Variants in POP1 observed in about 807,000 individuals in gnomAD.
The protein encoded by POP1 is POP1 ribonuclease P/MRP subunit.
POP1 carries 75 observed loss-of-function variants against 102.2 expected under a neutral mutation model. The ratio of observed to expected loss-of-function variants is 0.73; its 90% CI spans 0.61 to 0.89. POP1 has a LOEUF of 0.89. POP1 is among the 40% of genes least tolerant of loss of function. The pLI is 0.00. For missense variants in POP1, 1,116 were observed against 1,267.4 expected (o/e 0.88, Z 1.81); for synonymous variants, 436 against 464.1 (o/e 0.94, Z 0.78).
chr8:98,121,260 T>C (rs1167157466), intron 1 of POP1, among the ~76,000 whole-genome samples: 2 of 152,154 alleles, frequency 1.3e-5, no homozygotes, highest in African/African-American at 4.8e-5. Flanking sequence ...CAAGTCTTAA[T>C]TTTGTGTGAG....
At chr8:98,139,984 A>T in intron 9 of POP1, 94 bp from the exon 10 acceptor site, 1 of 944,084 alleles carries the variant, frequency 1.1e-6, no homozygotes, top group Non-Finnish European at 1.7e-6. Context: ...CCACACATAG[A>T]AGAAGAAAGA....
At chr8:98,152,286 T>TG (rs1809532876) in intron 14 of POP1, among the ~76,000 whole-genome samples, 1 of 152,260 alleles carries the variant, frequency 6.6e-6, no homozygotes, top group Non-Finnish European at 1.5e-5. Context: ...TTTTAAAGAA[T>TG]GGTATTACAT....
chr8:98,156,445 A>G (rs768914318), intron 15 of POP1, 33 bp downstream of exon 15: 2 of 1,612,102 alleles, frequency 1.2e-6, no homozygotes, highest in Non-Finnish European at 1.7e-6. Flanking sequence ...TACATTTTGG[A>G]TTATTTATTT....
chr8:98,135,146 C>T (rs866201455), intron 7 of POP1, among the ~76,000 whole-genome samples: 6 of 152,096 alleles, frequency 3.9e-5, no homozygotes, highest in African/African-American at 1.4e-4. Context: ...GGATTGGTGG[C>T]ATGCACCTGT....
intron 1 of POP1, among the ~76,000 whole-genome samples, chr8:98,119,259 C>A (rs1175540917): frequency 6.6e-6 from 1 of 152,178 alleles, no homozygotes; most frequent in Non-Finnish European, 1.5e-5. Context: ...AATGATTCAA[C>A]TTGTGTAAAA....
intron 5 of POP1, among the ~76,000 whole-genome samples, 162 bp downstream of exon 5, chr8:98,130,388 C>G (rs1816348595): frequency 1.3e-5 from 2 of 152,144 alleles, no homozygotes; most frequent in Admixed American, 1.3e-4. Context: ...TGCTGGAGAT[C>G]AGGCAGCCTA....
Position 98,140,080 on chromosome 8 carries a change from G to A in POP1, c.1365G>A (p.Val455=), listed in dbSNP as rs1190409481. 9 of 1,612,100 alleles carry A rather than the reference G, an allele frequency of 5.6e-6. No homozygotes were observed. The highest frequency in any genetic ancestry group is 1.1e-5 in the South Asian group (1 of 91,000). Residue 455 remains valine, a splice_region_variant and synonymous_variant, in exon 10 of 16, where the codon GTG becomes GTA. Transcript: ENST00000401707. ...EAIKAASVHT[V]GEDTEETPHR... is the part of the protein sequence containing the mutation. ...GAATAGTAGTTGTTATTTTTCAGGT[G>A]GGAGAGGACACAGAGGAGACACCTC...
chr8:98,141,790 ACTCCTGAC>A (rs1221858075), intron 11 of POP1, among the ~76,000 whole-genome samples: 1 of 147,274 alleles, frequency 6.8e-6, no homozygotes, highest in African/African-American at 2.5e-5. Flanking sequence ...CTGATCTCAA[ACTCCTGAC>A]CTCAGGTGAT....
intron 15 of POP1, among the ~76,000 whole-genome samples, chr8:98,156,784 T>G (rs1809660282): frequency 6.6e-6 from 1 of 152,186 alleles, no homozygotes; most frequent in Admixed American, 6.5e-5. Flanking sequence ...AGCAACCCAT[T>G]AGATGTAATA....
chr8:98,140,100 C>T lies in POP1; in HGVS notation c.1385C>T (p.Thr462Ile), dbSNP rs775271929. 6.2e-7 allele frequency: 1 copy of T among 1,613,940 alleles called. No homozygotes were observed. Among genetic ancestry groups the T allele is most frequent in the Non-Finnish European group, 8.5e-7 (1 of 1,179,886 alleles). The part of the protein sequence containing the change: ...VHTVGEDTEE[T>I]PHRWWIETCK... Reference sequence around the variant, plus strand: ...CAGGTGGGAGAGGACACAGAGGAGACACCTCACCGCTGGTGGATAGAAACC... The same window carrying T: ...CAGGTGGGAGAGGACACAGAGGAGATACCTCACCGCTGGTGGATAGAAACC... Residue 462 changes from threonine (T) to isoleucine (I), a missense_variant, in exon 10 of 16, where the codon ACA (threonine) becomes ATA (isoleucine). Physicochemically the swap from Thr to Ile is moderately conservative, Grantham distance 89 (BLOSUM62 -1). Transcript: ENST00000401707.
At chr8:98,150,783 G>T (rs1338196839) in intron 14 of POP1, 144 bp downstream of exon 14, 3 of 844,102 alleles carry the variant, frequency 3.6e-6, no homozygotes, top group East Asian at 2.7e-5. Flanking sequence ...TAATTAAGAA[G>T]ATATTACTTA....
chr8:98,122,401 G>C (rs574409862), intron 1 of POP1, among the ~76,000 whole-genome samples: 85 of 152,274 alleles, frequency 5.6e-4, no homozygotes, highest in Non-Finnish European at 9.4e-4. Context: ...GAACTGCTTT[G>C]AGAACAGCTT....
Position 98,158,417 on chromosome 8 carries a change from G to GT in POP1, c.*146_*147insT. 10 of 846,972 alleles carry GT rather than the reference G, an allele frequency of 1.2e-5. No homozygotes were observed. The highest frequency in any genetic ancestry group is 1.5e-5 in the Non-Finnish European group (8 of 526,080). The allele number at this position is 846,972 out of a possible 1,614,324, so 52.5% of individuals were successfully genotyped here. On this transcript the variant is annotated 3_prime_UTR_variant, in exon 16 of 16. Transcript: ENST00000401707. ...AAAAATTATGTATTATGCAGATGAT[G>GT]AAATGTTTACATCATTCCAGTAATG... is the stretch of plus-strand genomic sequence containing the variant.
intron 1 of POP1, among the ~76,000 whole-genome samples, chr8:98,118,583 G>A (rs565703087): frequency 1.3e-5 from 2 of 151,954 alleles, no homozygotes; most frequent in African/African-American, 4.8e-5. Context: ...ACACCAGCAC[G>A]CCCGGCTAAT....
Position 98,150,536 on chromosome 8 carries a change from C to T in POP1, c.1954C>T (p.Gln652Ter). Residue 652 changes from glutamine (Q) to a stop codon, truncating the protein, a stop_gained, in exon 14 of 16, where the codon CAG becomes TAG. Coordinates refer to ENST00000401707, the MANE Select transcript of POP1 (RefSeq NM_001145860.2). LOFTEE classifies it high-confidence loss of function. ...GTTGAAAGAGTCTGCAGTGCATTCT[C>T]AGTATAAGAGGTCGCCTAATGTCCC... Reference protein sequence around the residue: ...GGLKESAVHSQYKRSPNVPGD... With the variant: ...GGLKESAVHS 1 of 1,614,058 alleles carries T rather than the reference C, an allele frequency of 6.2e-7. No individual in the cohort carries two copies. The highest frequency in any genetic ancestry group is 1.1e-5 in the South Asian group (1 of 91,072).
intron 13 of POP1, 45 bp from the exon 14 acceptor site, chr8:98,150,439 AC>A: frequency 6.2e-7 from 1 of 1,608,112 alleles, no homozygotes; most frequent in Non-Finnish European, 8.5e-7. Context: ...TAAGCAATTC[AC>A]TTTAAGTTGG....
chr8:98,140,962 T>C, intron 11 of POP1, 74 bp downstream of exon 11: 1 of 1,540,014 alleles, frequency 6.5e-7, no homozygotes. Flanking sequence ...AAGAGTTCTT[T>C]CTCTGACACC....
chr8:98,118,232 C>T (rs575232599), intron 1 of POP1, among the ~76,000 whole-genome samples: 2 of 152,268 alleles, frequency 1.3e-5, no homozygotes, highest in South Asian at 2.1e-4. Context: ...CCTCCCCTTG[C>T]CTATTCAAGT....
chr8:98,128,638 G>T lies in POP1; in HGVS notation c.486+98G>T. The T allele has an allele frequency of 2.9e-6, 4 of 1,378,208 alleles. No homozygotes were observed. The South Asian group carries it at 3.7e-5, about 13-fold the overall frequency. The allele number at this position is 1,378,208 out of a possible 1,614,324, so 85.4% of individuals were successfully genotyped here. ...GAATTTATTAAAAATGAAAACCAAGGCTGGGCATGGTGGCTCACGCCTGTA... is the reference window on the plus strand; with the variant it reads ...GAATTTATTAAAAATGAAAACCAAGTCTGGGCATGGTGGCTCACGCCTGTA... On this transcript the variant is annotated intron_variant, in intron 4 of 15. Transcript: ENST00000401707.
Sources: gnomAD v4.1 joint callset for allele counts (sites outside exome capture counted in the v4.1 genomes callset) on GRCh38, gnomAD v4.1.1 for gene constraint, MANE v1.5 for transcripts, NCBI Gene and HGNC (gene_info 2026-07-23, HGNC 2026-07-21) for gene names.